DACH2: variants seen among roughly 807,000 people sequenced by gnomAD.
DACH2 encodes the protein dachshund homolog 2.
A neutral mutation model predicts 35.8 loss-of-function variants in DACH2; 17 were observed. The observed-to-expected ratio is 0.48, with a 90% CI of 0.33 to 0.71. The LOEUF (loss-of-function observed/expected upper bound fraction) is 0.71. Ranked by LOEUF, DACH2 falls within the 30% of genes least tolerant of loss-of-function variation. The pLI, the probability that DACH2 is intolerant of heterozygous loss-of-function variation, is 0.02. For missense variants in DACH2, 469 were observed against 472.7 expected, an observed-to-expected ratio of 0.99 and a Z score of 0.07; for synonymous variants, 195 against 177.3, an observed-to-expected ratio of 1.10 and a Z score of -0.79.
At chrX:86,599,550 G>A (rs1446803752) in intron 3 of DACH2, among the ~76,000 whole-genome samples, 3 of 94,856 alleles carry the variant, frequency 3.2e-5, no homozygotes, top group African/African-American at 8.3e-5. Flanking sequence ...CAGCTGGAGT[G>A]CAGTGGCACA....
chrX:86,535,692 A>C (rs1336892493), intron 3 of DACH2, among the ~76,000 whole-genome samples: 3 of 110,398 alleles, frequency 2.7e-5, no homozygotes, highest in Non-Finnish European at 3.8e-5. Flanking sequence ...CAAGAGAGAG[A>C]CACGGATCTG....
intron 1 of DACH2, among the ~76,000 whole-genome samples, chrX:86,180,176 G>GTATATATATATGTATATATATATATA (rs2031435028): frequency 2.3e-5 from 1 of 42,930 alleles, no homozygotes; most frequent in Non-Finnish European, 4.7e-5. Context: ...ATGCTAAACC[G>GTATATATATATGTATATATATATATA]TATATATATA....
At chrX:86,216,122 A>G (rs1270213365) in intron 1 of DACH2, among the ~76,000 whole-genome samples, 2 of 112,294 alleles carry the variant, frequency 1.8e-5, no homozygotes. Flanking sequence ...CTCAAATTTG[A>G]TACAATATTT....
intron 2 of DACH2, among the ~76,000 whole-genome samples, chrX:86,489,760 A>G (rs1019116845): frequency 4.5e-5 from 5 of 111,850 alleles, no homozygotes; most frequent in African/African-American, 1.6e-4. Flanking sequence ...ATATCCTCAT[A>G]CATTATCTTC....
Position 86,715,814 on chromosome X carries a change from CAG to C in DACH2, c.1104+1095_1104+1096del, listed in dbSNP as rs1250179117. On this transcript the variant is annotated intron_variant, in intron 6 of 11. Coordinates refer to ENST00000373125, the MANE Select transcript of DACH2 (RefSeq NM_053281.3). Reference sequence around the variant, plus strand: ...TATCTACCTTTAAGAAGAGAGGAGGCAGGGATCTGGGAAGGCATTATAGTTGA... The same window carrying C: ...TATCTACCTTTAAGAAGAGAGGAGGCGGATCTGGGAAGGCATTATAGTTGA... 3.7e-4 allele frequency among the ~76,000 whole-genome samples: 41 copies of C among 110,421 alleles called. No individual in the cohort carries two copies. In the South Asian group the frequency reaches 6.9e-3, roughly 19 times the overall value.
At chrX:86,538,413 T>C (rs1223399235) in intron 3 of DACH2, among the ~76,000 whole-genome samples, 1 of 112,057 alleles carries the variant, frequency 8.9e-6, no homozygotes, top group African/African-American at 3.2e-5. Flanking sequence ...CCAAATCTTC[T>C]TTTACATTTT....
At chrX:86,717,095 C>A (rs1333608291) in intron 6 of DACH2, among the ~76,000 whole-genome samples, 2 of 112,058 alleles carry the variant, frequency 1.8e-5, no homozygotes, top group Non-Finnish European at 3.8e-5. Flanking sequence ...ATAAAAATTT[C>A]TATTTCTCTA....
At chrX:86,762,832 C>A (rs960044020) in intron 7 of DACH2, among the ~76,000 whole-genome samples, 6 of 111,617 alleles carry the variant, frequency 5.4e-5, no homozygotes, top group East Asian at 5.6e-4. Flanking sequence ...CAATTAAATT[C>A]TTTATTTTAA....
At chrX:86,429,372 A>C (rs1188695957) in intron 2 of DACH2, among the ~76,000 whole-genome samples, 1 of 111,056 alleles carries the variant, frequency 9.0e-6, no homozygotes, top group Non-Finnish European at 1.9e-5. Flanking sequence ...AAATGAACAT[A>C]TCTGATTTTG....
At chrX:86,493,105 G>A (rs2038116877) in intron 2 of DACH2, among the ~76,000 whole-genome samples, 2 of 111,436 alleles carry the variant, frequency 1.8e-5, no homozygotes, top group African/African-American at 6.5e-5. Flanking sequence ...CTGTAGCCTT[G>A]CCAGCATCAG....
chrX:86,546,435 T>C (rs1343760323), intron 3 of DACH2, among the ~76,000 whole-genome samples: 2 of 56,390 alleles, frequency 3.5e-5, no homozygotes, highest in Non-Finnish European at 7.0e-5. Flanking sequence ...TTCTTCTTCC[T>C]CTTCTTCTTC....
At chrX:86,800,090 G>T (rs894142668) in intron 7 of DACH2, among the ~76,000 whole-genome samples, 1 of 112,177 alleles carries the variant, frequency 8.9e-6, no homozygotes, top group African/African-American at 3.2e-5. Context: ...CGTATCAGAT[G>T]ATTAACCTTT....
At chrX:86,182,629 C>G (rs5923495) in intron 1 of DACH2, among the ~76,000 whole-genome samples, 47,193 of 110,264 alleles carry the variant, frequency 0.43, 8,155 homozygotes, top group Non-Finnish European at 0.55. Flanking sequence ...CAGCTTTGTT[C>G]TTTTTGCTTC....
At chrX:86,776,044 A>T (rs1470270588) in intron 7 of DACH2, among the ~76,000 whole-genome samples, 1 of 111,522 alleles carries the variant, frequency 9.0e-6, no homozygotes, top group Non-Finnish European at 1.9e-5. Context: ...CTGCTTAATA[A>T]CTATAACATG....
chrX:86,299,412 T>C (rs1242917992), intron 1 of DACH2, among the ~76,000 whole-genome samples: 1 of 112,018 alleles, frequency 8.9e-6, no homozygotes, highest in Admixed American at 9.5e-5. Context: ...TAATGGATCA[T>C]GTTCAGCTTA....
intron 2 of DACH2, among the ~76,000 whole-genome samples, chrX:86,477,149 G>T (rs947338886): frequency 3.7e-5 from 4 of 109,279 alleles, no homozygotes; most frequent in Non-Finnish European, 3.8e-5. Context: ...TATAAAGATA[G>T]ATTAGGTTTA....
intron 1 of DACH2, among the ~76,000 whole-genome samples, chrX:86,238,729 C>T (rs1277390021): frequency 9.1e-6 from 1 of 110,224 alleles, no homozygotes; most frequent in African/African-American, 3.3e-5. Flanking sequence ...TGTGTCCCTA[C>T]CAGTACATAA....
At chrX:86,418,274 C>G (rs1282144097) in intron 2 of DACH2, among the ~76,000 whole-genome samples, 1 of 111,674 alleles carries the variant, frequency 9.0e-6, no homozygotes, top group Non-Finnish European at 1.9e-5. Flanking sequence ...CCTCTTCTCA[C>G]AGCTCCACTA....
intron 2 of DACH2, among the ~76,000 whole-genome samples, chrX:86,495,675 C>T (rs534889065): frequency 2.7e-5 from 3 of 109,594 alleles, no homozygotes; most frequent in Non-Finnish European, 5.7e-5. Flanking sequence ...TAACCTGGTA[C>T]GGTGGTCCAT....
Sources: allele counts gnomAD v4.1 joint callset (sites outside exome capture counted in the v4.1 genomes callset), GRCh38; gene constraint gnomAD v4.1.1; transcripts MANE v1.5; gene names NCBI Gene and HGNC (gene_info 2026-07-23, HGNC 2026-07-21).